BNC2: variants seen among roughly 807,000 people sequenced by gnomAD.
BNC2 encodes the protein basonuclin zinc finger protein 2.
BNC2 carries 20 observed loss-of-function variants against 76.3 expected under a neutral mutation model. The observed-to-expected ratio is 0.26, with a 90% CI of 0.18 to 0.38. The LOEUF is 0.38. BNC2 is among the 10% of genes least tolerant of loss of function. The pLI is 1.00. For missense variants in BNC2, 1,382 were observed against 1,399.8 expected (o/e 0.99, Z 0.20); for synonymous variants, 582 against 514.8 (o/e 1.13, Z -1.77).
chr9:16,631,996 A>G (rs148793018), intron 3 of BNC2, among the ~76,000 whole-genome samples: 3 of 152,294 alleles, frequency 2.0e-5, no homozygotes, highest in Non-Finnish European at 4.4e-5. Context: ...TGCTGGGGCA[A>G]TAAGGCTGAG....
intron 1 of BNC2, among the ~76,000 whole-genome samples, chr9:16,825,641 C>A (rs1818436373): frequency 6.6e-6 from 1 of 152,058 alleles, no homozygotes. Flanking sequence ...GAGGGTCACC[C>A]AAACCAAGCA....
At chr9:16,462,010 T>C (rs989137070) in intron 5 of BNC2, among the ~76,000 whole-genome samples, 4 of 152,186 alleles carry the variant, frequency 2.6e-5, no homozygotes, top group Admixed American at 1.3e-4. Context: ...CCTCCAGTTG[T>C]AGACATACAG....
At chr9:16,870,381 A>G (rs1050600158) in intron 1 of BNC2, among the ~76,000 whole-genome samples, 1 of 151,924 alleles carries the variant, frequency 6.6e-6, no homozygotes, top group Non-Finnish European at 1.5e-5. Flanking sequence ...CGACCTTGAG[A>G]AGCCCCCTCT....
At chr9:16,729,975 G>A (rs1824460395) in intron 2 of BNC2, among the ~76,000 whole-genome samples, 2 of 151,528 alleles carry the variant, frequency 1.3e-5, no homozygotes, top group Admixed American at 6.6e-5. Flanking sequence ...GTTCTCTCTC[G>A]CCTCTCACTC....
chr9:16,606,432 G>A (rs1290931134), intron 3 of BNC2, among the ~76,000 whole-genome samples: 2 of 151,988 alleles, frequency 1.3e-5, no homozygotes, highest in African/African-American at 4.8e-5. Context: ...ATTCCCACAT[G>A]TTGTGGGACA....
chr9:16,749,430 A>G (rs1050093555), intron 1 of BNC2, among the ~76,000 whole-genome samples: 67 of 152,204 alleles, frequency 4.4e-4, no homozygotes, highest in Non-Finnish European at 1.2e-4. Flanking sequence ...AGCACGAATA[A>G]AAGTATAATA....
chr9:16,720,305 AAAGT>A (rs1563914187), intron 3 of BNC2, among the ~76,000 whole-genome samples: 1 of 152,258 alleles, frequency 6.6e-6, no homozygotes, highest in Non-Finnish European at 1.5e-5. Context: ...AGGGCCAGTG[AAAGT>A]AAGGAGGAAT....
At chr9:16,534,450 C>T (rs548856327) in intron 5 of BNC2, among the ~76,000 whole-genome samples, 5 of 152,146 alleles carry the variant, frequency 3.3e-5, no homozygotes, top group South Asian at 2.1e-4. Flanking sequence ...TCCCTTAATC[C>T]GTCTCTCTAA....
Position 16,409,531 on chromosome 9 carries a change from A to C in BNC2, c.*9458T>G, listed in dbSNP as rs1420051329. The C allele has an allele frequency of 6.6e-6, 1 of 152,658 alleles. No individual in the cohort carries two copies. Among genetic ancestry groups the C allele is most frequent in the Non-Finnish European group, 1.5e-5 (1 of 68,048 alleles). The allele number at this position is 152,658 out of a possible 1,614,324, so 9.5% of individuals were successfully genotyped here. A position where few individuals can be genotyped will look rare whatever the true frequency, so the allele number is the denominator to read the frequency against. ...GTGACTGATAAATCTTTAATATAAA[A>C]ATTGTACAAGAATTTTGATACAAAT... On this transcript the variant is annotated 3_prime_UTR_variant, in exon 7 of 7. Coordinates refer to ENST00000380672, the MANE Select transcript of BNC2 (RefSeq NM_017637.6).
chr9:16,676,016 G>T (rs555654307), intron 3 of BNC2, among the ~76,000 whole-genome samples: 1 of 152,140 alleles, frequency 6.6e-6, no homozygotes, highest in African/African-American at 2.4e-5. Context: ...AGTGAGCCAA[G>T]ATTTCACCAC....
At chr9:16,421,880 C>T (rs533051241) in intron 6 of BNC2, among the ~76,000 whole-genome samples, 1 of 152,234 alleles carries the variant, frequency 6.6e-6, no homozygotes, top group East Asian at 1.9e-4. Context: ...TTATTTTTAA[C>T]ACCCTCCCCC....
At chr9:16,666,000 T>C (rs186438568) in intron 3 of BNC2, among the ~76,000 whole-genome samples, 1 of 152,306 alleles carries the variant, frequency 6.6e-6, no homozygotes, top group East Asian at 1.9e-4. Flanking sequence ...TGGTAAATTA[T>C]CCCCATTTTT....
chr9:16,462,743 C>T (rs1169395412), intron 5 of BNC2, among the ~76,000 whole-genome samples: 1 of 152,130 alleles, frequency 6.6e-6, no homozygotes. Context: ...TTTCTCCATT[C>T]CTGCTTGTTC....
chr9:16,532,222 G>GA (rs57317191), intron 5 of BNC2, among the ~76,000 whole-genome samples: 7,481 of 141,860 alleles, frequency 0.053, 607 homozygotes, highest in African/African-American at 0.17. Context: ...GAGACATACA[G>GA]AAAAAAAAAA....
intron 4 of BNC2, among the ~76,000 whole-genome samples, chr9:16,557,505 T>TA (rs112057330): frequency 1.5e-3 from 214 of 141,246 alleles, no homozygotes; most frequent in African/African-American, 2.6e-3. Flanking sequence ...TCACAGGATT[T>TA]AAAAAAAAAA....
chr9:16,567,463 A>G (rs1361917626), intron 4 of BNC2, among the ~76,000 whole-genome samples: 1 of 152,200 alleles, frequency 6.6e-6, no homozygotes, highest in Non-Finnish European at 1.5e-5. Flanking sequence ...TGAAATGCGA[A>G]TAACAATTTT....
chr9:16,679,759 C>G (rs1026129869), intron 3 of BNC2, among the ~76,000 whole-genome samples: 1 of 152,208 alleles, frequency 6.6e-6, no homozygotes, highest in African/African-American at 2.4e-5. Context: ...CGTGAGAAAC[C>G]AGCAAATGCA....
At chr9:16,505,165 A>G (rs1822599100) in intron 5 of BNC2, among the ~76,000 whole-genome samples, 1 of 152,232 alleles carries the variant, frequency 6.6e-6, no homozygotes, top group South Asian at 2.1e-4. Context: ...AAAATGTATA[A>G]AAGAGATGCA....
In BNC2 at chr9:16,514,647, TC is replaced by T. The variant is rs1470417667; in HGVS notation, c.669+37882del. ...GTTGACATGCAAATTTCAGTTGTCC[TC>T]CCACCAACAGGTGAGCACATTTGTT... On this transcript the variant is annotated intron_variant, in intron 5 of 6. Transcript: ENST00000380672. Among the ~76,000 whole-genome samples, 23 of 152,216 alleles carry T rather than the reference TC, an allele frequency of 1.5e-4. 1 individual carries two copies. The highest frequency in any genetic ancestry group is 1.5e-3 in the Admixed American group (23 of 15,274).
Sources: gnomAD v4.1 joint callset for allele counts (sites outside exome capture counted in the v4.1 genomes callset) on GRCh38, gnomAD v4.1.1 for gene constraint, MANE v1.5 for transcripts, NCBI Gene and HGNC (gene_info 2026-07-23, HGNC 2026-07-21) for gene names.